Variants in GRM3 observed in about 807,000 individuals in gnomAD.
The protein encoded by GRM3 is glutamate metabotropic receptor 3.
GRM3 carries 26 observed loss-of-function variants against 70.5 expected under a neutral mutation model. The ratio of observed to expected loss-of-function variants is 0.37; its 90% CI spans 0.27 to 0.51. The LOEUF (loss-of-function observed/expected upper bound fraction) is 0.51. Among genes scored for constraint, GRM3 ranks in the 20% least tolerant of loss-of-function variants. GRM3 has a pLI of 0.93. For missense variants in GRM3, 859 were observed against 1,123.8 expected (o/e 0.76, Z 3.37); for synonymous variants, 443 against 434.9 (o/e 1.02, Z -0.23).
At chr7:86,763,387 T>G (rs1231555674) in intron 1 of GRM3, among the ~76,000 whole-genome samples, 1 of 152,088 alleles carries the variant, frequency 6.6e-6, no homozygotes, top group African/African-American at 2.4e-5. Flanking sequence ...TCTTGGGGGA[T>G]AGAAGTAAGC....
At chr7:86,760,294 T>G (rs1796447230) in intron 1 of GRM3, among the ~76,000 whole-genome samples, 1 of 152,088 alleles carries the variant, frequency 6.6e-6, no homozygotes, top group Admixed American at 6.6e-5. Flanking sequence ...TGCTTTCAGT[T>G]CATATATTGC....
At chr7:86,724,421 A>G (rs1215304527) in intron 1 of GRM3, among the ~76,000 whole-genome samples, 2 of 152,142 alleles carry the variant, frequency 1.3e-5, no homozygotes, top group African/African-American at 4.8e-5. Flanking sequence ...GTCTAACTTT[A>G]CAGCTTCCAA....
intron 1 of GRM3, among the ~76,000 whole-genome samples, chr7:86,682,356 C>T (rs956166293): frequency 7.2e-5 from 11 of 151,952 alleles, no homozygotes; most frequent in African/African-American, 2.2e-4. Flanking sequence ...GTATTTTATG[C>T]GAATGCCACT....
At chr7:86,703,214 A>C (rs1285270389) in intron 1 of GRM3, among the ~76,000 whole-genome samples, 1 of 151,960 alleles carries the variant, frequency 6.6e-6, no homozygotes, top group African/African-American at 2.4e-5. Context: ...ATCTGACTTT[A>C]TTCAAAGCAC....
intron 1 of GRM3, among the ~76,000 whole-genome samples, chr7:86,662,636 G>A (rs1021182862): frequency 5.3e-5 from 8 of 151,542 alleles, no homozygotes; most frequent in Non-Finnish European, 1.0e-4. Context: ...GTCAGTCATC[G>A]GCTCAAACAT....
chr7:86,816,518 T>C (rs375773470), intron 3 of GRM3, among the ~76,000 whole-genome samples: 24 of 151,886 alleles, frequency 1.6e-4, no homozygotes, highest in African/African-American at 4.8e-4. Context: ...AATGTTTAGC[T>C]CCCACTTGCA....
At chr7:86,796,012 G>T (rs775446393) in intron 3 of GRM3, among the ~76,000 whole-genome samples, 1 of 152,144 alleles carries the variant, frequency 6.6e-6, no homozygotes, top group Non-Finnish European at 1.5e-5. Flanking sequence ...CCGTTCCGTA[G>T]GTTGGTTGTT....
chr7:86,768,479 T>C (rs941589626), intron 2 of GRM3, among the ~76,000 whole-genome samples: 4 of 152,190 alleles, frequency 2.6e-5, no homozygotes, highest in Non-Finnish European at 5.9e-5. Context: ...ACTTAAAATC[T>C]GGTTATGGGT....
rs147514954 is a variant in GRM3, at chr7:86,795,601, C to T, written c.1324+8485C>T. 6.8e-4 allele frequency among the ~76,000 whole-genome samples: 104 copies of T among 152,188 alleles called. 1 individual carries two copies. Among genetic ancestry groups the T allele is most frequent in the African/African-American group, 2.4e-3 (100 of 41,536 alleles). ...CATGTCCATGCAAAGGACATGATCT[C>T]GTTCCATTTTTTGGCTGCATAGTAT... On this transcript the variant is annotated intron_variant, in intron 3 of 5. Coordinates refer to ENST00000361669, the MANE Select transcript of GRM3 (RefSeq NM_000840.3).
chr7:86,862,749 A>T lies in GRM3; in HGVS notation c.2567-1533A>T, dbSNP rs1181579186. Among the ~76,000 whole-genome samples, 8 of 152,306 alleles carry T rather than the reference A, an allele frequency of 5.3e-5. No homozygotes were observed. The East Asian group carries it at 1.2e-3, about 22-fold the overall frequency. ...AGATTCCCTAGTGGTGGACCTGCTG[A>T]TAGACTTCAGTGCCCCAAGTATAGT... On this transcript the variant is annotated intron_variant, in intron 5 of 5. Transcript: ENST00000361669.
At chr7:86,795,914 T>C (rs182967252) in intron 3 of GRM3, among the ~76,000 whole-genome samples, 1 of 152,340 alleles carries the variant, frequency 6.6e-6, no homozygotes, top group East Asian at 1.9e-4. Context: ...ATCTATTGTT[T>C]CTTGACTTTT....
intron 5 of GRM3, among the ~76,000 whole-genome samples, chr7:86,851,533 C>T (rs1446157065): frequency 6.6e-6 from 1 of 152,084 alleles, no homozygotes; most frequent in Non-Finnish European, 1.5e-5. Context: ...GTGACAGAGA[C>T]AAATGACTGC....
chr7:86,804,813 A>G (rs776777952), intron 3 of GRM3, among the ~76,000 whole-genome samples: 2 of 152,214 alleles, frequency 1.3e-5, no homozygotes, highest in Non-Finnish European at 2.9e-5. Context: ...ATCCTTCTGC[A>G]TTTAAAGAGG....
At chr7:86,782,551 A>G (rs572702852) in intron 2 of GRM3, among the ~76,000 whole-genome samples, 2 of 152,324 alleles carry the variant, frequency 1.3e-5, no homozygotes, top group East Asian at 3.9e-4. Context: ...AAATCAAAAC[A>G]ATAGCAATGA....
intron 1 of GRM3, among the ~76,000 whole-genome samples, chr7:86,683,583 C>T (rs1432538953): frequency 6.6e-6 from 1 of 152,042 alleles, no homozygotes; most frequent in Non-Finnish European, 1.5e-5. Context: ...TAAAGAGTAT[C>T]CAGAGAGATT....
rs748519819 is a variant in GRM3, at chr7:86,839,673, C to T, written c.2159C>T (p.Ala720Val). The change falls in exon 4 of 6, where the codon GCA becomes GTA. Residue 720 changes from alanine to valine, a missense_variant. Coordinates refer to ENST00000361669, the MANE Select transcript of GRM3 (RefSeq NM_000840.3). The surrounding 1 kb of genome is among the most constrained non-coding windows in gnomAD (Gnocchi z 4.5). Reference sequence around the variant, plus strand: ...CCAGGCACCAGGAGGTATACCCTTGCAGAGAAGCGGGAAACAGTCATCCTA... The same window carrying T: ...CCAGGCACCAGGAGGTATACCCTTGTAGAGAAGCGGGAAACAGTCATCCTA... The part of the protein sequence containing the change: ...EAPGTRRYTL[A>V]EKRETVILKC... 6.8e-6 allele frequency: 11 copies of T among 1,613,690 alleles called. No homozygotes were observed. The highest frequency in any genetic ancestry group is 9.3e-6 in the Non-Finnish European group (11 of 1,179,774).
chr7:86,771,593 G>T (rs1308922027), intron 2 of GRM3, among the ~76,000 whole-genome samples: 1 of 152,026 alleles, frequency 6.6e-6, no homozygotes, highest in Non-Finnish European at 1.5e-5. Flanking sequence ...ACATTATCAT[G>T]TAGTCTTGAC....
chr7:86,785,546 T>C (rs540870671), intron 2 of GRM3, among the ~76,000 whole-genome samples: 44 of 152,134 alleles, frequency 2.9e-4, no homozygotes, highest in Admixed American at 4.6e-4. Flanking sequence ...AATAGAATTC[T>C]ATATTATTTC....
chr7:86,778,570 A>G (rs537105883), intron 2 of GRM3, among the ~76,000 whole-genome samples: 1 of 152,310 alleles, frequency 6.6e-6, no homozygotes, highest in African/African-American at 2.4e-5. Context: ...CTCACAAGTG[A>G]CTGATATTTT....
Sources: gnomAD v4.1 joint callset for allele counts (sites outside exome capture counted in the v4.1 genomes callset) on GRCh38, gnomAD v4.1.1 for gene constraint, Gnocchi (gnomAD v3.1) non-coding constraint, MANE v1.5 for transcripts, NCBI Gene and HGNC (gene_info 2026-07-23, HGNC 2026-07-21) for gene names.